The following CLCN5 variants were observed in gnomAD, a reference collection of about 807,000 sequenced individuals.
The protein encoded by CLCN5 is Cl-/H+ antiporter 5.
CLCN5 carries 17 observed loss-of-function variants against 54.0 expected under a neutral mutation model. The ratio of observed to expected loss-of-function variants is 0.31; its 90% CI spans 0.22 to 0.47. CLCN5 has a LOEUF of 0.47. Ranked by LOEUF, CLCN5 falls within the 20% of genes least tolerant of loss-of-function variation. CLCN5 has a pLI of 1.00. For synonymous variants in CLCN5, 222 were observed against 233.0 expected, an observed-to-expected ratio of 0.95 and a Z score of 0.43; for missense variants, 448 against 646.7, an observed-to-expected ratio of 0.69 and a Z score of 3.33.
chrX:50,032,573 T>G (rs1176041779), intron 3 of CLCN5, among the ~76,000 whole-genome samples: 1 of 107,612 alleles, frequency 9.3e-6, no homozygotes, highest in Admixed American at 9.7e-5. Context: ...GGTTGTTTGT[T>G]TTTTTCTTGT....
At chrX:49,943,945 C>A (rs1926538669) in intron 3 of CLCN5, among the ~76,000 whole-genome samples, 1 of 111,545 alleles carries the variant, frequency 9.0e-6, no homozygotes, top group Non-Finnish European at 1.9e-5. Flanking sequence ...TGAAGAAAGT[C>A]ATTGGTAGCT....
intron 3 of CLCN5, among the ~76,000 whole-genome samples, chrX:49,956,170 A>C (rs1201763942): frequency 9.0e-6 from 1 of 111,652 alleles, no homozygotes; most frequent in Non-Finnish European, 1.9e-5. Flanking sequence ...ATCTTCCAAG[A>C]TTCTTAAAAT....
At chrX:50,010,568 C>T (rs1312395474) in intron 3 of CLCN5, 1 of 115,897 alleles carries the variant, frequency 8.6e-6, no homozygotes, top group Non-Finnish European at 1.9e-5. Context: ...CAACTTCTCT[C>T]TACTTTAGTT....
At chrX:49,953,845 A>G (rs1034517381) in intron 3 of CLCN5, among the ~76,000 whole-genome samples, 37 of 112,064 alleles carry the variant, frequency 3.3e-4, no homozygotes, top group African/African-American at 1.1e-3. Context: ...CCAGTAGTCA[A>G]CTGAACTCTT....
At chrX:50,040,104 A>T (rs1417767126) in intron 3 of CLCN5, among the ~76,000 whole-genome samples, 1 of 112,325 alleles carries the variant, frequency 8.9e-6, no homozygotes, top group Non-Finnish European at 1.9e-5. Flanking sequence ...AAACCTGCTA[A>T]CAATCCTGTA....
chrX:50,023,098 A>C (rs1320659713), intron 3 of CLCN5, among the ~76,000 whole-genome samples: 1 of 97,218 alleles, frequency 1.0e-5, no homozygotes, highest in Admixed American at 1.0e-4. Flanking sequence ...CCCATTATTA[A>C]TGTGTGGGAG....
At chrX:50,058,788 A>G (rs982931334) in intron 4 of CLCN5, among the ~76,000 whole-genome samples, 17 of 111,670 alleles carry the variant, frequency 1.5e-4, no homozygotes, top group African/African-American at 5.2e-4. Flanking sequence ...TATTTTATAT[A>G]TAACATTCAC....
chrX:50,057,847 G>A (rs1378676827), intron 4 of CLCN5, among the ~76,000 whole-genome samples: 1 of 110,438 alleles, frequency 9.1e-6, no homozygotes, highest in Non-Finnish European at 1.9e-5. Flanking sequence ...GGCTTCCGCT[G>A]TAATGTACTA....
At chrX:50,039,303 C>T (rs1298366226) in intron 3 of CLCN5, among the ~76,000 whole-genome samples, 1 of 111,189 alleles carries the variant, frequency 9.0e-6, no homozygotes, top group African/African-American at 3.3e-5. Flanking sequence ...CAAAAACAAA[C>T]AACCAACCAA....
intron 3 of CLCN5, among the ~76,000 whole-genome samples, chrX:49,936,370 G>C (rs782521930): frequency 2.7e-5 from 3 of 111,729 alleles, no homozygotes; most frequent in Admixed American, 1.9e-4. Flanking sequence ...ATTATGGGTA[G>C]TGGTGCCAGG....
At chrX:49,985,315 CTA>C (rs1457682239) in intron 3 of CLCN5, among the ~76,000 whole-genome samples, 25 of 111,568 alleles carry the variant, frequency 2.2e-4, no homozygotes, top group Non-Finnish European at 4.0e-4. Flanking sequence ...ATCCCATTTC[CTA>C]TCTTACTGTC....
chrX:50,025,445 C>T lies in CLCN5; in HGVS notation c.17-16871C>T, dbSNP rs7055195. Among the ~76,000 whole-genome samples the T allele has an allele frequency of 1.2e-4, 13 of 106,018 alleles. No individual in the cohort carries two copies. In the East Asian group the frequency reaches 1.8e-3, roughly 15 times the overall value. The allele number at this position is 106,018 out of a possible 115,157, so 92.1% of individuals were successfully genotyped here. A position where few individuals can be genotyped will look rare whatever the true frequency, so the allele number is the denominator to read the frequency against. ...TGCAGAAATCACCCGTCTTCTGCGT[C>T]GCTCACGCTGGGAGCTGTAGACCGG... On this transcript the variant is annotated intron_variant, in intron 3 of 14. Transcript: ENST00000376091.
At chrX:50,006,050 C>T (rs150283603) in intron 3 of CLCN5, among the ~76,000 whole-genome samples, 1,748 of 112,123 alleles carry the variant, frequency 0.016, 30 homozygotes, top group African/African-American at 0.054. Flanking sequence ...AAGTATGGTT[C>T]TGACTGTTGT....
At position 50,042,437 on chromosome X, in the gene CLCN5, T is replaced by C. The variant is rs1557187308; in HGVS notation, c.138T>C (p.Val46=). ...TGGATTTCTCCATGAGAGATGATGT[T>C]CCTCCCTTAGACCGAGAAGTAGGAG... ...TAMDFSMRDD[V]PPLDREVGED... Residue 46 remains valine, a synonymous_variant, in exon 4 of 15, where the codon GTT becomes GTC. Coordinates refer to ENST00000376091, the MANE Select transcript of CLCN5 (RefSeq NM_001127898.4). 1 of 1,115,429 alleles carries C rather than the reference T, an allele frequency of 9.0e-7. No individual in the cohort carries two copies. The highest frequency in any genetic ancestry group is 3.3e-5 in the East Asian group (1 of 29,912). 91.9% of individuals were successfully genotyped at this position (1,115,429 alleles called of 1,213,427 possible).
rs1448667650 is a variant in CLCN5, at chrX:49,922,664, T to C, written c.-333T>C. ...CGCTCCCCCTCCTCCCCGGCTGGGC[T>C]GTGTGAATGAAGCTCTGCCGGCTAC... On this transcript the variant is annotated 5_prime_UTR_variant, in exon 1 of 15. Coordinates refer to ENST00000376091, the MANE Select transcript of CLCN5 (RefSeq NM_001127898.4). 9.7e-5 allele frequency: 11 copies of C among 112,995 alleles called. No individual in the cohort carries two copies. Among genetic ancestry groups the C allele is most frequent in the African/African-American group, 3.5e-4 (11 of 31,186 alleles). The allele number at this position is 112,995 out of a possible 1,213,427, so 9.3% of individuals were successfully genotyped here.
At chrX:50,019,668 C>G (rs1338090280) in intron 3 of CLCN5, among the ~76,000 whole-genome samples, 15 of 41,545 alleles carry the variant, frequency 3.6e-4, no homozygotes, top group South Asian at 1.6e-3. Context: ...TGATATTCCC[C>G]TTCCTGTGTC....
At chrX:49,995,692 T>C (rs1929486155) in intron 3 of CLCN5, among the ~76,000 whole-genome samples, 1 of 112,206 alleles carries the variant, frequency 8.9e-6, no homozygotes, top group Non-Finnish European at 1.9e-5. Context: ...AAATGAATAG[T>C]GTAACTGTGT....
intron 3 of CLCN5, among the ~76,000 whole-genome samples, chrX:50,007,440 T>TCTCACACA (rs1374630944): frequency 1.4e-5 from 1 of 69,535 alleles, no homozygotes; most frequent in Non-Finnish European, 3.0e-5. Flanking sequence ...TCTCTCTCTG[T>TCTCACACA]CACACACACA....
intron 4 of CLCN5, chrX:50,054,649 C>T (rs188443790): frequency 3.7e-4 from 41 of 112,080 alleles, no homozygotes; most frequent in Middle Eastern, 4.6e-3. Context: ...CAGATCTCAG[C>T]TGTGTCTCTT....
Sources: gnomAD v4.1 joint callset for allele counts (sites outside exome capture counted in the v4.1 genomes callset) on GRCh38, gnomAD v4.1.1 for gene constraint, MANE v1.5 for transcripts, NCBI Gene and HGNC (gene_info 2026-07-23, HGNC 2026-07-21) for gene names.